The following STARD8 variants were observed in gnomAD, a reference collection of about 807,000 sequenced individuals.
STARD8 encodes the protein stAR-related lipid transfer protein 8.
In STARD8, 25 loss-of-function variants were observed where a neutral mutation model predicts 69.4. The observed-to-expected ratio is 0.36, with a 90% confidence interval of 0.26 to 0.50. STARD8 has a LOEUF of 0.50. Ranked by LOEUF, STARD8 falls within the 20% of genes least tolerant of loss-of-function variation. The pLI is 0.96. For synonymous variants in STARD8, 389 were observed against 374.6 expected (o/e 1.04, Z -0.45); for missense variants, 921 against 932.5 (o/e 0.99, Z 0.16).
chrX:68,713,060 C>A, intron 3 of STARD8, 75 bp downstream of exon 3: 2 of 1,023,538 alleles, frequency 2.0e-6, no homozygotes, highest in South Asian at 2.1e-5. Context: ...TGGGGCAAGT[C>A]AGATTCTCTT....
intron 2 of STARD8, among the ~76,000 whole-genome samples, chrX:68,700,604 C>T (rs1353581796): frequency 8.9e-6 from 1 of 112,542 alleles, no homozygotes; most frequent in Non-Finnish European, 1.9e-5. Context: ...AGATAGGCAC[C>T]TGCAGCCAGC....
chrX:68,687,201 C>A (rs913029475), intron 2 of STARD8, among the ~76,000 whole-genome samples: 7 of 110,488 alleles, frequency 6.3e-5, no homozygotes, highest in African/African-American at 2.3e-4. Flanking sequence ...CACTCTGTAC[C>A]CCAGGTGCAG....
intron 2 of STARD8, 22 bp from the exon 3 acceptor site, chrX:68,712,892 T>C: frequency 1.7e-6 from 2 of 1,195,739 alleles, no homozygotes; most frequent in East Asian, 3.0e-5. Context: ...TTTGCCTGTT[T>C]CTTTCCCTTG....
chrX:68,700,880 C>G (rs1425565479), intron 2 of STARD8, among the ~76,000 whole-genome samples: 1 of 112,104 alleles, frequency 8.9e-6, no homozygotes, highest in Non-Finnish European at 1.9e-5. Context: ...TTTGTCAGCT[C>G]TAAAATGGAG....
Position 68,721,735 on chromosome X carries a change from CCCCTCT to C in STARD8, c.2452_2457del (p.Ser818_Pro819del). On this transcript the variant is annotated inframe_deletion, in exon 10 of 15. Transcript: ENST00000374599. ...ACCTCAATGTCTCTAAGAAGGATAG[CCCCTCT>C]CCCAGGTGAAATGGTGCACGGCATG... 8.3e-7 allele frequency: 1 copy of C among 1,209,933 alleles called. No homozygotes were observed. Among genetic ancestry groups the C allele is most frequent in the Non-Finnish European group, 1.1e-6 (1 of 894,044 alleles).
intron 2 of STARD8, among the ~76,000 whole-genome samples, chrX:68,667,581 A>C (rs959632293): frequency 1.8e-5 from 2 of 111,431 alleles, no homozygotes; most frequent in African/African-American, 6.5e-5. Context: ...CCAAGTCCCC[A>C]ACCACCCAGC....
chrX:68,689,859 C>T (rs562952626), intron 2 of STARD8, among the ~76,000 whole-genome samples: 293 of 110,863 alleles, frequency 2.6e-3, no homozygotes, highest in South Asian at 0.01. Context: ...AATGTATAGA[C>T]AGTGAGGTGT....
chrX:68,653,664 AC>A (rs1174734361), intron 1 of STARD8, among the ~76,000 whole-genome samples: 3 of 57,872 alleles, frequency 5.2e-5, no homozygotes, highest in African/African-American at 7.1e-5. Flanking sequence ...CGCCACATAC[AC>A]CCCCCAACAC....
chrX:68,684,206 C>T (rs771770515), intron 2 of STARD8, among the ~76,000 whole-genome samples: 194 of 112,703 alleles, frequency 1.7e-3, no homozygotes, highest in African/African-American at 6.1e-3. Flanking sequence ...AAGGTGCCCC[C>T]TCTCCTCCTC....
intron 2 of STARD8, among the ~76,000 whole-genome samples, chrX:68,685,938 G>T (rs1311779318): frequency 8.9e-6 from 1 of 112,299 alleles, no homozygotes; most frequent in East Asian, 2.8e-4. Flanking sequence ...CAGAGCCATT[G>T]TTTCCTTCTC....
intron 13 of STARD8, 39 bp downstream of exon 13, chrX:68,723,882 G>T: frequency 8.3e-7 from 1 of 1,205,718 alleles, no homozygotes; most frequent in African/African-American, 1.7e-5. Context: ...TGCTTGGGGG[G>T]CCGGAGAAGT....
chrX:68,693,511 G>A, intron 2 of STARD8: 1 of 375,846 alleles, frequency 2.7e-6, no homozygotes, highest in Non-Finnish European at 3.4e-6. Flanking sequence ...CCTGCAGGCA[G>A]TGCCCCGCCC....
intron 1 of STARD8, among the ~76,000 whole-genome samples, chrX:68,660,119 G>A (rs754239972): frequency 9.0e-6 from 1 of 110,834 alleles, no homozygotes; most frequent in South Asian, 3.9e-4. Context: ...TGCACCCTTG[G>A]GGGGAGACAG....
At chrX:68,692,363 C>T (rs989773140) in intron 2 of STARD8, among the ~76,000 whole-genome samples, 3 of 112,133 alleles carry the variant, frequency 2.7e-5, no homozygotes, top group Non-Finnish European at 5.6e-5. Context: ...TCATCAGGGC[C>T]AGCAGGGAAG....
intron 2 of STARD8, among the ~76,000 whole-genome samples, chrX:68,701,167 C>T (rs757876355): frequency 4.4e-5 from 5 of 112,414 alleles, no homozygotes; most frequent in Non-Finnish European, 7.5e-5. Context: ...ATTCGCGACA[C>T]TCAACAGGCT....
chrX:68,680,624 G>A (rs1288600814), intron 2 of STARD8, among the ~76,000 whole-genome samples: 4 of 112,256 alleles, frequency 3.6e-5, no homozygotes, highest in Non-Finnish European at 5.6e-5. Flanking sequence ...CAGACTGCAA[G>A]GCATGTGTTA....
At chrX:68,673,442 C>G (rs1053167763) in intron 2 of STARD8, among the ~76,000 whole-genome samples, 1 of 111,875 alleles carries the variant, frequency 8.9e-6, no homozygotes, top group African/African-American at 3.3e-5. Flanking sequence ...ATAAGTTTGC[C>G]TGGCTTTTTC....
At chrX:68,649,159 G>T (rs1043858007) in intron 1 of STARD8, among the ~76,000 whole-genome samples, 3 of 111,715 alleles carry the variant, frequency 2.7e-5, no homozygotes, top group African/African-American at 9.8e-5. Context: ...GGAGGGACTT[G>T]GAGAGGTTTC....
chrX:68,699,459 C>T (rs2079949025), intron 2 of STARD8, among the ~76,000 whole-genome samples: 1 of 112,451 alleles, frequency 8.9e-6, no homozygotes, highest in South Asian at 3.7e-4. Context: ...AACTGTGCCT[C>T]CCTGAGGCTT....
Sources: gnomAD v4.1 joint callset for allele counts (sites outside exome capture counted in the v4.1 genomes callset) on GRCh38, gnomAD v4.1.1 for gene constraint, MANE v1.5 for transcripts, NCBI Gene and HGNC (gene_info 2026-07-23, HGNC 2026-07-21) for gene names.